The following PDE7A variants were observed in gnomAD, a reference collection of about 807,000 sequenced individuals.
PDE7A encodes the protein high affinity 3',5'-cyclic-AMP phosphodiesterase 7A.
In PDE7A, 39 loss-of-function variants were observed where a neutral mutation model predicts 64.3. That is an observed-to-expected ratio of 0.61 (90% CI 0.47 to 0.79). The LOEUF (loss-of-function observed/expected upper bound fraction) is 0.79, where lower values mean the gene tolerates loss of function less well. Ranked by LOEUF, PDE7A falls within the 30% of genes least tolerant of loss-of-function variation. The pLI, the probability that PDE7A is intolerant of heterozygous loss-of-function variation, is 0.00. For missense variants in PDE7A, 470 were observed against 582.8 expected (o/e 0.81, Z 1.99); for synonymous variants, 203 against 206.8 (o/e 0.98, Z 0.16).
intron 1 of PDE7A, among the ~76,000 whole-genome samples, chr8:65,820,804 G>A (rs183174228): frequency 3.4e-4 from 52 of 152,268 alleles, no homozygotes; most frequent in African/African-American, 1.2e-3. Flanking sequence ...TGGCCAGGCT[G>A]GTCTCGAACT....
intron 3 of PDE7A, among the ~76,000 whole-genome samples, chr8:65,768,994 T>A (rs1284973853): frequency 1.3e-5 from 2 of 152,122 alleles, no homozygotes; most frequent in East Asian, 3.8e-4. Flanking sequence ...ACACCTGTAA[T>A]CCCAGCACTT....
At chr8:65,819,387 A>C (rs1416003467) in intron 1 of PDE7A, among the ~76,000 whole-genome samples, 1 of 152,194 alleles carries the variant, frequency 6.6e-6, no homozygotes, top group Non-Finnish European at 1.5e-5. Context: ...ACATAGCGAG[A>C]CCCTGTCTCA....
At chr8:65,813,404 C>T (rs1365512184) in intron 1 of PDE7A, among the ~76,000 whole-genome samples, 1 of 152,030 alleles carries the variant, frequency 6.6e-6, no homozygotes, top group East Asian at 1.9e-4. Context: ...AATTACAGTC[C>T]ATTCATAGAA....
intron 9 of PDE7A, chr8:65,725,575 A>G (rs1296420333): frequency 6.5e-6 from 1 of 152,930 alleles, no homozygotes; most frequent in African/African-American, 2.4e-5. Flanking sequence ...CAGATCAATT[A>G]ACAAGATAAA....
At chr8:65,820,031 T>A (rs544821220) in intron 1 of PDE7A, among the ~76,000 whole-genome samples, 2 of 152,354 alleles carry the variant, frequency 1.3e-5, no homozygotes, top group East Asian at 3.9e-4. Context: ...ATCTCCAACC[T>A]ACTACATGAC....
intron 12 of PDE7A, chr8:65,719,702 A>G: frequency 1.8e-6 from 1 of 561,444 alleles, no homozygotes; most frequent in Admixed American, 3.0e-5. Context: ...ACTCAATGGA[A>G]ATTTGAGTAA....
chr8:65,721,514 T>C (rs577441002), intron 12 of PDE7A, among the ~76,000 whole-genome samples: 6 of 152,280 alleles, frequency 3.9e-5, no homozygotes, highest in Admixed American at 2.6e-4. Context: ...CTAGGGTTGT[T>C]GTGTGGAGTC....
chr8:65,775,744 C>T (rs1809242071), intron 3 of PDE7A, among the ~76,000 whole-genome samples: 1 of 152,208 alleles, frequency 6.6e-6, no homozygotes, highest in African/African-American at 2.4e-5. Context: ...TCTCCTGCCT[C>T]AGCCTCCTGA....
rs546158730 is a variant in PDE7A at position 65,752,793 on chromosome 8, C to T, written c.284-4990G>A. Among the ~76,000 whole-genome samples the T allele has an allele frequency of 1.2e-4, 18 of 152,276 alleles. 1 individual carries two copies. The East Asian group carries it at 3.5e-3, about 29-fold the overall frequency. Reference sequence around the variant, plus strand: ...ACACTCTAAACTGTCTATGTTGAAACACCTTTATGTGTTTTCTATCTCACT... The same window carrying T: ...ACACTCTAAACTGTCTATGTTGAAATACCTTTATGTGTTTTCTATCTCACT... On this transcript the variant is annotated intron_variant, in intron 3 of 12. Coordinates refer to ENST00000401827, the MANE Select transcript of PDE7A (RefSeq NM_001242318.3).
At chr8:65,730,411 C>T (rs907710084) in intron 7 of PDE7A, among the ~76,000 whole-genome samples, 3 of 151,672 alleles carry the variant, frequency 2.0e-5, no homozygotes, top group African/African-American at 7.3e-5. Flanking sequence ...AACTCCCAAC[C>T]TCAGGTGATC....
intron 1 of PDE7A, among the ~76,000 whole-genome samples, chr8:65,833,789 C>G (rs1312499188): frequency 6.6e-6 from 1 of 152,054 alleles, no homozygotes; most frequent in Admixed American, 6.5e-5. Context: ...CATGGCAAAA[C>G]CCCATCTCTA....
At chr8:65,740,409 T>G (rs1807362425) in intron 5 of PDE7A, among the ~76,000 whole-genome samples, 1 of 152,124 alleles carries the variant, frequency 6.6e-6, no homozygotes, top group African/African-American at 2.4e-5. Flanking sequence ...TTTCCTTTTC[T>G]TTCTTTTTTG....
At chr8:65,815,007 G>A (rs896310966) in intron 1 of PDE7A, among the ~76,000 whole-genome samples, 3 of 152,024 alleles carry the variant, frequency 2.0e-5, no homozygotes, top group Non-Finnish European at 4.4e-5. Flanking sequence ...CTTGAAACCA[G>A]GAGGCAGAGG....
At position 65,807,408 on chromosome 8, in the gene PDE7A, A is replaced by G. The variant is rs539024468; in HGVS notation, c.139-24565T>C. 1.6e-4 allele frequency among the ~76,000 whole-genome samples: 25 copies of G among 152,326 alleles called. 1 individual carries two copies. Among genetic ancestry groups the G allele is most frequent in the Middle Eastern group, 3.4e-3 (1 of 294 alleles). On this transcript the variant is annotated intron_variant, in intron 1 of 12. Transcript: ENST00000401827. ...TCCTGCAACTTTGCTAAACTCATTT[A>G]TTAGTGCTAAAATTTCTTTAGTAGA...
At chr8:65,774,657 A>G (rs1159659140) in intron 3 of PDE7A, among the ~76,000 whole-genome samples, 6 of 151,572 alleles carry the variant, frequency 4.0e-5, no homozygotes, top group African/African-American at 7.2e-5. Flanking sequence ...TAATTTAAAA[A>G]TATATAAAAC....
intron 1 of PDE7A, among the ~76,000 whole-genome samples, chr8:65,829,423 C>T (rs558613754): frequency 6.6e-6 from 1 of 152,152 alleles, no homozygotes; most frequent in South Asian, 2.1e-4. Flanking sequence ...GTACTCTTAA[C>T]TTTTTCAAAC....
intron 3 of PDE7A, among the ~76,000 whole-genome samples, chr8:65,754,628 C>T (rs988903201): frequency 2.0e-5 from 3 of 151,006 alleles, no homozygotes; most frequent in Admixed American, 2.0e-4. Flanking sequence ...AGCCACCATG[C>T]CCAGCCGTTA....
At chr8:65,765,272 G>A (rs1585892966) in intron 3 of PDE7A, among the ~76,000 whole-genome samples, 1 of 151,544 alleles carries the variant, frequency 6.6e-6, no homozygotes, top group African/African-American at 2.4e-5. Context: ...GGCGGATCAC[G>A]AGGTCAGGAG....
At chr8:65,770,089 T>C (rs1330886302) in intron 3 of PDE7A, among the ~76,000 whole-genome samples, 1 of 151,926 alleles carries the variant, frequency 6.6e-6, no homozygotes, top group Non-Finnish European at 1.5e-5. Flanking sequence ...ATATGCATTG[T>C]TAACATTTGT....
Sources: allele counts gnomAD v4.1 joint callset (sites outside exome capture counted in the v4.1 genomes callset), GRCh38; gene constraint gnomAD v4.1.1; transcripts MANE v1.5; gene names NCBI Gene and HGNC (gene_info 2026-07-23, HGNC 2026-07-21).